Variants in KRT78 observed in about 807,000 individuals in gnomAD.
The protein encoded by KRT78 is keratin, type II cytoskeletal 78.
A neutral mutation model predicts 51.4 loss-of-function variants in KRT78; 55 were observed. The ratio of observed to expected loss-of-function variants is 1.07; its 90% CI spans 0.86 to 1.34. The LOEUF (loss-of-function observed/expected upper bound fraction) is 1.34. KRT78 is among the 40% of genes most tolerant of loss of function. The pLI is 0.00. For missense variants in KRT78, 652 were observed against 649.4 expected, an observed-to-expected ratio of 1.00 and a Z score of -0.04; for synonymous variants, 291 against 264.3, an observed-to-expected ratio of 1.10 and a Z score of -0.98.
chr12:52,846,754 C>T lies in KRT78; in HGVS notation c.660+10G>A, dbSNP rs371678541. 7 of 1,612,646 alleles carry T rather than the reference C, an allele frequency of 4.3e-6. No individual in the cohort carries two copies. The highest frequency in any genetic ancestry group is 5.9e-6 in the Non-Finnish European group (7 of 1,179,140). ...CAGAACGTAAGTGGAGCACTGGCCC[C>T]CACCCTCACCTTCTTGAGGACCACA... On this transcript the variant is annotated intron_variant, in intron 3 of 8. Transcript: ENST00000304620.
At position 52,839,784 on chromosome 12, in the gene KRT78, C is replaced by A. The variant is rs1940439476; in HGVS notation, c.1248G>T (p.Leu416=). The change falls in exon 7 of 9, where the codon CTG becomes CTT. Residue 416 remains leucine (L), a synonymous_variant. Transcript: ENST00000304620. The part of the protein sequence containing the change: ...LDVEIATYRR[L]LEGEECRMSG... ...CTCACCTGCACTCCTCGCCCTCCAGCAGCCTGCGGTAAGTGGCAATCTCCA... is the reference window on the plus strand; with the variant it reads ...CTCACCTGCACTCCTCGCCCTCCAGAAGCCTGCGGTAAGTGGCAATCTCCA... 6.2e-7 allele frequency: 1 copy of A among 1,613,950 alleles called. No individual in the cohort carries two copies.
At chr12:52,848,329 G>A (rs550785165) in intron 1 of KRT78, 36 of 1,486,086 alleles carry the variant, frequency 2.4e-5, no homozygotes, top group South Asian at 2.3e-4. Context: ...CCTTCCCCCC[G>A]CTGGCTGGCA....
chr12:52,841,486 C>CAAA (rs56956757), intron 6 of KRT78, among the ~76,000 whole-genome samples: 2 of 98,620 alleles, frequency 2.0e-5, no homozygotes, highest in Non-Finnish European at 4.7e-5. Context: ...GACTCCTTCT[C>CAAA]AAAAAAAAAA....
chr12:52,848,125 C>A lies in KRT78; in HGVS notation c.385-4G>T. On this transcript the variant is annotated splice_region_variant and splice_polypyrimidine_tract_variant and intron_variant, in intron 1 of 8. Transcript: ENST00000304620. ...TCTGCTGCTCCAGGAACCGCACCTG[C>A]AGCAAAAGCAGAGGATCCCTGAGGC... 6.2e-7 allele frequency: 1 copy of A among 1,613,594 alleles called. No individual in the cohort carries two copies. The highest frequency in any genetic ancestry group is 8.5e-7 in the Non-Finnish European group (1 of 1,179,738).
intron 6 of KRT78, among the ~76,000 whole-genome samples, chr12:52,840,463 G>A (rs1228832270): frequency 6.6e-6 from 1 of 152,100 alleles, no homozygotes; most frequent in Non-Finnish European, 1.5e-5. Flanking sequence ...AGCACTTTAG[G>A]AGGCTGAGGC....
chr12:52,843,356 A>C (rs921966232), intron 6 of KRT78, among the ~76,000 whole-genome samples: 28 of 143,934 alleles, frequency 1.9e-4, no homozygotes, highest in Non-Finnish European at 3.9e-4. Flanking sequence ...GTGGAGTAAG[A>C]CTCTGTCTCA....
At position 52,845,125 on chromosome 12, in the gene KRT78, T is replaced by C. The variant is rs1049699066; in HGVS notation, c.757-402A>G. Among the ~76,000 whole-genome samples, 9 of 151,778 alleles carry C rather than the reference T, an allele frequency of 5.9e-5. No individual in the cohort carries two copies. In the South Asian group the frequency reaches 6.3e-4, roughly 11 times the overall value. On this transcript the variant is annotated intron_variant, in intron 4 of 8. Coordinates refer to ENST00000304620, the MANE Select transcript of KRT78 (RefSeq NM_173352.4). ...CTGCCTTCCAGGTTCAAGCCATTCT[T>C]CTCCCTCAGCCTCCCTAGTAGCTGG... is the stretch of plus-strand genomic sequence containing the variant.
intron 6 of KRT78, among the ~76,000 whole-genome samples, chr12:52,843,842 G>C (rs1333197188): frequency 6.6e-6 from 1 of 152,146 alleles, no homozygotes; most frequent in Non-Finnish European, 1.5e-5. Flanking sequence ...CCGATGCCAG[G>C]GGAGTGCGAT....
intron 2 of KRT78, 65 bp from the exon 3 acceptor site, chr12:52,846,889 C>T (rs1220810480): frequency 2.5e-5 from 30 of 1,204,836 alleles, no homozygotes; most frequent in Non-Finnish European, 3.2e-5. Flanking sequence ...CCCCCATGTC[C>T]GAGCATGACC....
At chr12:52,846,742 G>A in intron 3 of KRT78, 22 bp downstream of exon 3, 1 of 1,609,180 alleles carries the variant, frequency 6.2e-7, no homozygotes, top group South Asian at 1.1e-5. Flanking sequence ...AACGTAAGTG[G>A]AGCACTGGCC....
Position 52,848,702 on chromosome 12 carries a change from G to A in KRT78, c.229C>T (p.Leu77=), listed in dbSNP as rs1168480799. Residue 77 remains leucine (L), a synonymous_variant, in exon 1 of 9, where the codon CTG becomes TTG. Coordinates refer to ENST00000304620, the MANE Select transcript of KRT78 (RefSeq NM_173352.4). ...GEWSGGPGLS[L]CPPGGIQEVT... Reference sequence around the variant, plus strand: ...TCTTGGATGCCCCCCGGAGGGCACAGGGAGAGCCCAGGCCCACCACTCCAC... The same window carrying A: ...TCTTGGATGCCCCCCGGAGGGCACAAGGAGAGCCCAGGCCCACCACTCCAC... The A allele has an allele frequency of 6.2e-7, 1 of 1,612,534 alleles. No individual in the cohort carries two copies. The highest frequency in any genetic ancestry group is 8.5e-7 in the Non-Finnish European group (1 of 1,178,980).
In KRT78 at chr12:52,848,990, T is replaced by C. The variant is rs986610421; in HGVS notation, c.-60A>G. On this transcript the variant is annotated 5_prime_UTR_variant, in exon 1 of 9. Coordinates refer to ENST00000304620, the MANE Select transcript of KRT78 (RefSeq NM_173352.4). ...CAGACAGATTGTCAAGGTGTGTGAG[T>C]TTCTGCCCTGGGGCCCCAGCACGAG... is the stretch of plus-strand genomic sequence containing the variant. 15 of 1,491,454 alleles carry C rather than the reference T, an allele frequency of 1.0e-5. No individual in the cohort carries two copies. The South Asian group carries it at 1.8e-4, about 18-fold the overall frequency. 92.4% of individuals were successfully genotyped at this position (1,491,454 alleles called of 1,614,324 possible). A position where few individuals can be genotyped will look rare whatever the true frequency, so the allele number is the denominator to read the frequency against.
rs752779262 is a variant in KRT78 at position 52,839,066 on chromosome 12, G to T, written c.*47C>A. On this transcript the variant is annotated 3_prime_UTR_variant, in exon 9 of 9. Coordinates refer to ENST00000304620, the MANE Select transcript of KRT78 (RefSeq NM_173352.4). The stretch of plus-strand genomic sequence containing the variant: ...TTGGCCTTGCAGAGCCGGCTGATGG[G>T]GGGAGTGGGCCAAATGTGTTCAGGA... 13 of 1,583,146 alleles carry T rather than the reference G, an allele frequency of 8.2e-6. No individual in the cohort carries two copies. Among genetic ancestry groups the T allele is most frequent in the South Asian group, 1.2e-5 (1 of 86,600 alleles).
chr12:52,844,075 G>A lies in KRT78; in HGVS notation c.1047+18C>T, dbSNP rs761482370. 4.8e-5 allele frequency: 78 copies of A among 1,611,678 alleles called. No homozygotes were observed. The highest frequency in any genetic ancestry group is 1.7e-6 in the Non-Finnish European group (2 of 1,179,212). Reference sequence around the variant, plus strand: ...ACAAAGGCAATGAGAGGACATTTGGGGGTCTCTGGGAATCTACCTGCTTCT... The same window carrying A: ...ACAAAGGCAATGAGAGGACATTTGGAGGTCTCTGGGAATCTACCTGCTTCT... On this transcript the variant is annotated intron_variant, in intron 6 of 8. Coordinates refer to ENST00000304620, the MANE Select transcript of KRT78 (RefSeq NM_173352.4).
Position 52,844,183 on chromosome 12 carries a change from C to T in KRT78, c.957G>A (p.Gly319=). 6.2e-7 allele frequency: 1 copy of T among 1,609,634 alleles called. No individual in the cohort carries two copies. The highest frequency in any genetic ancestry group is 1.1e-5 in the South Asian group (1 of 90,368). ...GGACTTTCGTTTCCTGCATCCTGTC[C>T]CCATGAAGCTGGGCAGACACCTGAA... ...QELQVSAQLH[G]DRMQETKVQI... is the part of the protein sequence containing the mutation. The change falls in exon 6 of 9, where the codon GGG becomes GGA. Residue 319 remains glycine (G), a synonymous_variant. Transcript: ENST00000304620.
In KRT78 at chr12:52,837,976, A is replaced by G. The variant is rs1021713390; in HGVS notation, c.*1137T>C. 3.3e-5 allele frequency: 5 copies of G among 152,192 alleles called. No homozygotes were observed. Among genetic ancestry groups the G allele is most frequent in the African/African-American group, 9.7e-5 (4 of 41,432 alleles). 9.4% of individuals were successfully genotyped at this position (152,192 alleles called of 1,614,324 possible). On this transcript the variant is annotated 3_prime_UTR_variant, in exon 9 of 9. Coordinates refer to ENST00000304620, the MANE Select transcript of KRT78 (RefSeq NM_173352.4). ...GCTGCTTGATCAAGGTCACACCACT[A>G]GGAAACAGCAGAGCTGGGATTCAAG...
At chr12:52,846,152 C>A (rs751596699) in intron 4 of KRT78, 45 bp downstream of exon 4, 35 of 1,385,964 alleles carry the variant, frequency 2.5e-5, no homozygotes, top group Non-Finnish European at 3.4e-5. Context: ...CCTGCCCACC[C>A]AGTCCTCTCT....
chr12:52,842,959 G>GGAAGGAAGGA (rs1555182925), intron 6 of KRT78, among the ~76,000 whole-genome samples: 1 of 53,724 alleles, frequency 1.9e-5, no homozygotes, highest in African/African-American at 1.2e-4. Flanking sequence ...GAGAGAGAGA[G>GGAAGGAAGGA]AGGAAGGAAG....
Position 52,844,555 on chromosome 12 carries a change from C to T in KRT78, c.921+4G>A, listed in dbSNP as rs1185908887. On this transcript the variant is annotated splice_donor_region_variant and intron_variant, in intron 5 of 8. Coordinates refer to ENST00000304620, the MANE Select transcript of KRT78 (RefSeq NM_173352.4). ...GCATGGTGCTGCCCCCCAGGTCCCA[C>T]CACCTTGGTCTGGTACAAGGCCTCA... is the stretch of plus-strand genomic sequence containing the variant. The T allele has an allele frequency of 6.2e-7, 1 of 1,611,414 alleles. No individual in the cohort carries two copies. The highest frequency in any genetic ancestry group is 1.7e-5 in the Admixed American group (1 of 59,708).
Sources: allele counts gnomAD v4.1 joint callset (sites outside exome capture counted in the v4.1 genomes callset), GRCh38; gene constraint gnomAD v4.1.1; transcripts MANE v1.5; gene names NCBI Gene and HGNC (gene_info 2026-07-23, HGNC 2026-07-21).